The following MS4A14 variants were observed in gnomAD, a reference collection of about 807,000 sequenced individuals.
MS4A14 encodes membrane-spanning 4-domains subfamily A member 14.
MS4A14 carries 18 observed loss-of-function variants against 16.7 expected under a neutral mutation model. That is an observed-to-expected ratio of 1.08 (90% CI 0.75 to 1.60). The LOEUF is 1.60. MS4A14 is among the 40% of genes most tolerant of loss of function. MS4A14 has a pLI of 0.00. For synonymous variants in MS4A14, 305 were observed against 289.4 expected (o/e 1.05, Z -0.55); for missense variants, 812 against 775.3 (o/e 1.05, Z -0.56).
intron 3 of MS4A14, among the ~76,000 whole-genome samples, chr11:60,402,691 A>G (rs1383809943): frequency 2.6e-5 from 4 of 152,220 alleles, no homozygotes; most frequent in African/African-American, 7.2e-5. Flanking sequence ...TTTCTTTAGC[A>G]TTAGCCATAG....
Position 60,417,247 on chromosome 11 carries a change from C to T in MS4A14, c.*239C>T. On this transcript the variant is annotated 3_prime_UTR_variant, in exon 5 of 5. Transcript: ENST00000300187. ...AAGGAGATATGTACACTAGAGACAT[C>T]AAACCAGGGGACATGAAATGTATAG... 1 of 418,262 alleles carries T rather than the reference C, an allele frequency of 2.4e-6. No individual in the cohort carries two copies. Among genetic ancestry groups the T allele is most frequent in the Non-Finnish European group, 4.2e-6 (1 of 236,534 alleles). The allele number at this position is 418,262 out of a possible 1,614,324, so 25.9% of individuals were successfully genotyped here. A position where few individuals can be genotyped will look rare whatever the true frequency, so the allele number is the denominator to read the frequency against.
chr11:60,402,771 G>T (rs151336175), intron 3 of MS4A14, 141 bp from the exon 4 acceptor site: 520 of 799,654 alleles, frequency 6.5e-4, no homozygotes, highest in Non-Finnish European at 4.3e-4. Context: ...AGTTTATTAA[G>T]CCTTCCAATC....
At chr11:60,411,895 T>A (rs1169310510) in intron 4 of MS4A14, among the ~76,000 whole-genome samples, 1 of 152,166 alleles carries the variant, frequency 6.6e-6, no homozygotes, top group East Asian at 1.9e-4. Flanking sequence ...TGATATTAGC[T>A]GTGGGTGTTT....
At chr11:60,411,817 T>A (rs985428167) in intron 4 of MS4A14, among the ~76,000 whole-genome samples, 10 of 152,200 alleles carry the variant, frequency 6.6e-5, no homozygotes, top group African/African-American at 2.4e-4. Context: ...ATAGCAGCAG[T>A]GAAAGAAAGC....
chr11:60,403,639 G>C (rs1405606049), intron 4 of MS4A14, among the ~76,000 whole-genome samples: 1 of 152,132 alleles, frequency 6.6e-6, no homozygotes, highest in African/African-American at 2.4e-5. Flanking sequence ...TCTTTTACCA[G>C]GAAATGTAGT....
intron 4 of MS4A14, among the ~76,000 whole-genome samples, chr11:60,413,194 C>A (rs538305199): frequency 6.6e-6 from 1 of 151,506 alleles, no homozygotes; most frequent in East Asian, 1.9e-4. Context: ...CTACTATGAC[C>A]TTTCTAAACT....
Position 60,397,736 on chromosome 11 carries a change from G to T in MS4A14, c.139-116G>T, listed in dbSNP as rs1388433913. ...CTGAGAATGATTGACAAATGAGAGA[G>T]GAAGGCATTTGGATGGAGGGAAAGG... On this transcript the variant is annotated intron_variant, in intron 1 of 4. Transcript: ENST00000300187. 4 of 900,566 alleles carry T rather than the reference G, an allele frequency of 4.4e-6. No homozygotes were observed. The Admixed American group carries it at 7.7e-5, about 17-fold the overall frequency. 55.8% of individuals were successfully genotyped at this position (900,566 alleles called of 1,614,324 possible). A position where few individuals can be genotyped will look rare whatever the true frequency, so the allele number is the denominator to read the frequency against.
intron 4 of MS4A14, among the ~76,000 whole-genome samples, chr11:60,414,598 A>G (rs368901266): frequency 1.3e-5 from 2 of 152,138 alleles, no homozygotes; most frequent in Middle Eastern, 3.2e-3. Flanking sequence ...AATGGGAAGC[A>G]TTGCAGGTTG....
chr11:60,412,140 T>C (rs1427336816), intron 4 of MS4A14, among the ~76,000 whole-genome samples: 2 of 152,012 alleles, frequency 1.3e-5, no homozygotes, highest in African/African-American at 4.8e-5. Context: ...TTTTCTAATA[T>C]TTTGTTGGCA....
intron 4 of MS4A14, among the ~76,000 whole-genome samples, chr11:60,410,037 T>G (rs1423359311): frequency 6.6e-6 from 1 of 152,078 alleles, no homozygotes; most frequent in Non-Finnish European, 1.5e-5. Flanking sequence ...TATTTTTATT[T>G]TTGTAGAGAC....
chr11:60,402,545 C>A (rs970634974), intron 3 of MS4A14, among the ~76,000 whole-genome samples: 1 of 152,118 alleles, frequency 6.6e-6, no homozygotes, highest in African/African-American at 2.4e-5. Context: ...AGGTTACTTG[C>A]CTAAGGTCCT....
At chr11:60,402,838 TA>T (rs1741321535) in intron 3 of MS4A14, 73 bp from the exon 4 acceptor site, 17 of 1,472,838 alleles carry the variant, frequency 1.2e-5, no homozygotes, top group Non-Finnish European at 1.5e-5. Flanking sequence ...ATAAAAGCAC[TA>T]AAAATTTCTT....
rs777054951 is a variant in MS4A14 at position 60,400,435 on chromosome 11, A to G, written c.299A>G (p.Asp100Gly). 7.5e-6 allele frequency: 12 copies of G among 1,607,968 alleles called. No individual in the cohort carries two copies. In the Admixed American group the frequency reaches 2.0e-4, roughly 27 times the overall value. Reference sequence around the variant, plus strand: ...CTTACAGGATACCTCACAGTAACCGATAAGAAATCAAAACTTCTGGTAAGC... The same window carrying G: ...CTTACAGGATACCTCACAGTAACCGGTAAGAAATCAAAACTTCTGGTAAGC... Reference protein sequence around the residue: ...FILTGYLTVTDKKSKLLGQGV... With the variant: ...FILTGYLTVTGKKSKLLGQGV... Residue 100 changes from aspartate (D) to glycine (G), a missense_variant, in exon 3 of 5, where the codon GAT becomes GGT. Coordinates refer to ENST00000300187, the MANE Select transcript of MS4A14 (RefSeq NM_032597.5).
At chr11:60,404,442 C>G (rs748061803) in intron 4 of MS4A14, 2 of 426,462 alleles carry the variant, frequency 4.7e-6, no homozygotes, top group Non-Finnish European at 9.4e-6. Flanking sequence ...TGAGCCATTA[C>G]TTAATGGCTT....
chr11:60,407,848 G>T, intron 4 of MS4A14, among the ~76,000 whole-genome samples: 1 of 151,224 alleles, frequency 6.6e-6, no homozygotes, highest in Non-Finnish European at 1.5e-5. Flanking sequence ...ACTGTGACTT[G>T]CCTTTTCATT....
rs368186934 is a variant in MS4A14, at chr11:60,416,862, C to G, written c.1894C>G (p.Gln632Glu). 2 of 1,613,764 alleles carry G rather than the reference C, an allele frequency of 1.2e-6. No individual in the cohort carries two copies. The highest frequency in any genetic ancestry group is 2.2e-5 in the East Asian group (1 of 44,866). The stretch of plus-strand genomic sequence containing the variant: ...TGTTCAAGCCGAAGGACAGCAAGCT[C>G]AGGTGGAGAAAGTGCCAAAACTGTT... ...QNVQAEGQQA[Q>E]VEKVPKLLCQ... The change falls in exon 5 of 5, where the codon CAG (glutamine) becomes GAG (glutamate). Residue 632 changes from glutamine to glutamate, a missense_variant. Transcript: ENST00000300187.
chr11:60,414,594 A>AC (rs2085911927), intron 4 of MS4A14, among the ~76,000 whole-genome samples: 1 of 152,150 alleles, frequency 6.6e-6, no homozygotes. Flanking sequence ...AACTAATGGG[A>AC]AGCATTGCAG....
chr11:60,410,124 G>C (rs1296636241), intron 4 of MS4A14, among the ~76,000 whole-genome samples: 1 of 152,114 alleles, frequency 6.6e-6, no homozygotes, highest in Non-Finnish European at 1.5e-5. Context: ...CTTCCAAACT[G>C]CTGGGATTAA....
chr11:60,415,946 A>G lies in MS4A14; in HGVS notation c.978A>G (p.Pro326=). The part of the protein sequence containing the change: ...SPEDLPSQAL[P]VEGLSEQTMP... ...AAGACTTGCCATCCCAAGCTCTACC[A>G]GTAGAAGGCCTGTCAGAACAAACCA... is the stretch of plus-strand genomic sequence containing the variant. The change falls in exon 5 of 5, where the codon CCA becomes CCG. Residue 326 remains proline, a synonymous_variant. Coordinates refer to ENST00000300187, the MANE Select transcript of MS4A14 (RefSeq NM_032597.5). The G allele has an allele frequency of 6.2e-7, 1 of 1,614,034 alleles. No individual in the cohort carries two copies. Among genetic ancestry groups the G allele is most frequent in the Non-Finnish European group, 8.5e-7 (1 of 1,179,946 alleles).
Sources: gnomAD v4.1 joint callset for allele counts (sites outside exome capture counted in the v4.1 genomes callset) on GRCh38, gnomAD v4.1.1 for gene constraint, MANE v1.5 for transcripts, NCBI Gene and HGNC (gene_info 2026-07-23, HGNC 2026-07-21) for gene names.